The following CD44 variants were observed in gnomAD, a reference collection of about 807,000 sequenced individuals.
CD44 encodes the protein CD44 molecule (IN blood group), also known as CD44 antigen.
Under a neutral mutation model 88.8 loss-of-function variants are expected in CD44, and 49 were observed. The ratio of observed to expected loss-of-function variants is 0.55; its 90% CI spans 0.44 to 0.70. The LOEUF (loss-of-function observed/expected upper bound fraction) is 0.70, where lower values mean the gene tolerates loss of function less well. Ranked by LOEUF, CD44 falls within the 30% of genes least tolerant of loss-of-function variation. The pLI, the probability that CD44 is intolerant of heterozygous loss-of-function variation, is 0.00. For synonymous variants in CD44, 325 were observed against 312.3 expected (o/e 1.04, Z -0.43); for missense variants, 883 against 913.8 (o/e 0.97, Z 0.43).
At chr11:35,221,801 C>A in intron 17 of CD44, 69 bp downstream of exon 17, 1 of 1,358,622 alleles carries the variant, frequency 7.4e-7, no homozygotes, top group Non-Finnish European at 1.1e-6. Context: ...TATATCCTTG[C>A]TGCTCAGAGC....
chr11:35,231,160 G>T lies in CD44; in HGVS notation c.*1827G>T, dbSNP rs943558652. On this transcript the variant is annotated 3_prime_UTR_variant, in exon 18 of 18. Transcript: ENST00000428726. The stretch of plus-strand genomic sequence containing the variant: ...ATCATTGGCCAGATCCATTTTCAGT[G>T]GTCTGGATTTCTTTTTATTTTCTTT... 5.9e-5 allele frequency: 9 copies of T among 152,560 alleles called. No homozygotes were observed. Among genetic ancestry groups the T allele is most frequent in the African/African-American group, 2.2e-4 (9 of 41,402 alleles). The allele number at this position is 152,560 out of a possible 1,614,324, so 9.5% of individuals were successfully genotyped here. A position where few individuals can be genotyped will look rare whatever the true frequency, so the allele number is the denominator to read the frequency against.
intron 15 of CD44, 190 bp downstream of exon 15, chr11:35,215,104 C>A (rs551205691): frequency 2.7e-5 from 11 of 401,116 alleles, no homozygotes; most frequent in African/African-American, 1.8e-4. Flanking sequence ...TTCAGTAGGT[C>A]TGGGGTGGAG....
At chr11:35,157,309 A>G (rs377126859) in intron 1 of CD44, among the ~76,000 whole-genome samples, 1 of 138,894 alleles carries the variant, frequency 7.2e-6, no homozygotes, top group South Asian at 2.3e-4. Flanking sequence ...CTATCCATCT[A>G]TCTGTCTGTC....
At chr11:35,191,452 C>A (rs933504304) in intron 5 of CD44, among the ~76,000 whole-genome samples, 14 of 152,134 alleles carry the variant, frequency 9.2e-5, no homozygotes, top group African/African-American at 3.1e-4. Context: ...TGTTGGTAGT[C>A]CCGTGGGCAA....
intron 9 of CD44, 143 bp from the exon 10 acceptor site, chr11:35,204,369 A>G: frequency 1.5e-6 from 1 of 685,816 alleles, no homozygotes; most frequent in Non-Finnish European, 2.5e-6. Context: ...CCCTTTTAGA[A>G]TATCAGTGGC....
intron 15 of CD44, 92 bp downstream of exon 15, chr11:35,215,006 G>T: frequency 1.4e-6 from 1 of 725,842 alleles, no homozygotes; most frequent in South Asian, 3.1e-5. Flanking sequence ...CTCCAGAGAA[G>T]TGGTTCTCAA....
intron 15 of CD44, among the ~76,000 whole-genome samples, chr11:35,216,889 A>C (rs1485927944): frequency 6.6e-6 from 1 of 152,204 alleles, no homozygotes; most frequent in East Asian, 1.9e-4. Context: ...TCTCCCACCC[A>C]GGTGGTTTAT....
At position 35,214,373 on chromosome 11, in the gene CD44, A is replaced by G. The variant is rs146056096; in HGVS notation, c.1811-479A>G. 1.5e-3 allele frequency among the ~76,000 whole-genome samples: 232 copies of G among 152,242 alleles called. 4 individuals carry two copies. In the East Asian group the frequency reaches 0.041, roughly 27 times the overall value. On this transcript the variant is annotated intron_variant, in intron 14 of 17. Transcript: ENST00000428726. ...ATCCCAAGATTCCTTATTGCATACT[A>G]ATTTCCTGCCGCCAAGAAATCTCTG...
intron 1 of CD44, among the ~76,000 whole-genome samples, chr11:35,164,490 A>G (rs1223974574): frequency 1.3e-5 from 2 of 152,232 alleles, no homozygotes; most frequent in Non-Finnish European, 2.9e-5. Flanking sequence ...AAAGAAAATC[A>G]AATTTGGAGA....
At chr11:35,172,092 TAACA>T (rs1943972430) in intron 1 of CD44, among the ~76,000 whole-genome samples, 1 of 152,172 alleles carries the variant, frequency 6.6e-6, no homozygotes, top group African/African-American at 2.4e-5. Flanking sequence ...TCCAGAAAGT[TAACA>T]AACAAAATGC....
chr11:35,174,928 AAG>A (rs1423038676), intron 1 of CD44, among the ~76,000 whole-genome samples: 1 of 152,224 alleles, frequency 6.6e-6, no homozygotes, highest in Non-Finnish European at 1.5e-5. Flanking sequence ...GAAGGAGAGA[AAG>A]AGAGTAACCA....
rs1000864530 is a variant in CD44 at position 35,206,092 on chromosome 11, C to T, written c.1283-20C>T. On this transcript the variant is annotated intron_variant, in intron 10 of 17. Coordinates refer to ENST00000428726, the MANE Select transcript of CD44 (RefSeq NM_000610.4). ...GCGTCCATTAACACTTTGACAATTG[C>T]TCAAACTGCATGGTCACAGCAGCCT... 3 of 1,586,118 alleles carry T rather than the reference C, an allele frequency of 1.9e-6. No homozygotes were observed. Among genetic ancestry groups the T allele is most frequent in the Admixed American group, 1.9e-5 (1 of 53,554 alleles).
intron 10 of CD44, 165 bp from the exon 11 acceptor site, chr11:35,205,947 C>T (rs1413972104): frequency 7.8e-7 from 1 of 1,277,918 alleles, no homozygotes; most frequent in Non-Finnish European, 9.9e-7. Flanking sequence ...GAACCCAAAG[C>T]TGCTGAAACA....
chr11:35,203,365 G>A (rs1461672360), intron 9 of CD44, among the ~76,000 whole-genome samples: 2 of 152,120 alleles, frequency 1.3e-5, no homozygotes, highest in African/African-American at 4.8e-5. Flanking sequence ...TAAACTTTGA[G>A]TAACATAGCA....
intron 1 of CD44, among the ~76,000 whole-genome samples, chr11:35,150,849 C>G (rs1298127479): frequency 2.6e-5 from 4 of 152,212 alleles, no homozygotes; most frequent in Non-Finnish European, 5.9e-5. Flanking sequence ...TTGCCTCTGT[C>G]TCCCCAGTTA....
intron 3 of CD44, among the ~76,000 whole-genome samples, chr11:35,180,912 G>T (rs1263271038): frequency 6.6e-6 from 1 of 152,162 alleles, no homozygotes; most frequent in Non-Finnish European, 1.5e-5. Context: ...AGGCTAATGA[G>T]TGCTAGGGAT....
chr11:35,228,071 G>A (rs894910758), intron 17 of CD44, among the ~76,000 whole-genome samples: 1 of 152,190 alleles, frequency 6.6e-6, no homozygotes, highest in Non-Finnish European at 1.5e-5. Context: ...GTGAAGCTAT[G>A]CAACTTTCCT....
At position 35,208,142 on chromosome 11, in the gene CD44, T is replaced by C. The variant is rs1414363796; in HGVS notation, c.1452T>C (p.Thr484=). The change falls in exon 12 of 18, where the codon ACT becomes ACC. Residue 484 remains threonine, a synonymous_variant. Transcript: ENST00000428726. Reference sequence around the variant, plus strand: ...GTCATAGTATAACGCTTCAGCCTACTGCAAATCCAAACACAGGTTTGGTGG... The same window carrying C: ...GTCATAGTATAACGCTTCAGCCTACCGCAAATCCAAACACAGGTTTGGTGG... ...DSSHSITLQP[T]ANPNTGLVED... 1 of 1,612,686 alleles carries C rather than the reference T, an allele frequency of 6.2e-7. No individual in the cohort carries two copies. Among genetic ancestry groups the C allele is most frequent in the Non-Finnish European group, 8.5e-7 (1 of 1,178,718 alleles).
intron 3 of CD44, 50 bp from the exon 4 acceptor site, chr11:35,186,782 T>G: frequency 9.8e-7 from 1 of 1,020,518 alleles, no homozygotes; most frequent in Non-Finnish European, 1.6e-6. Flanking sequence ...TGAGGGTAGA[T>G]TTTCCTCATG....
Sources: gnomAD v4.1 joint callset for allele counts (sites outside exome capture counted in the v4.1 genomes callset) on GRCh38, gnomAD v4.1.1 for gene constraint, MANE v1.5 for transcripts, NCBI Gene and HGNC (gene_info 2026-07-23, HGNC 2026-07-21) for gene names.